Variants in MYH15 observed in about 807,000 individuals in gnomAD.
MYH15 encodes myosin heavy chain 15.
A neutral mutation model predicts 240.5 loss-of-function variants in MYH15; 227 were observed. The observed-to-expected ratio is 0.94, with a 90% confidence interval of 0.85 to 1.05. The LOEUF (loss-of-function observed/expected upper bound fraction) is 1.05. Ranked by LOEUF, MYH15 falls within the 50% of genes least tolerant of loss-of-function variation. The pLI is 0.00. For missense variants in MYH15, 2,217 were observed against 2,247.5 expected (o/e 0.99, Z 0.27); for synonymous variants, 785 against 796.7 (o/e 0.99, Z 0.25).
Position 108,391,533 on chromosome 3 carries a change from G to A in MYH15, c.5430+227C>T, listed in dbSNP as rs1313368001. ...AGGGCTGCAATGTTAGTTAGCAAGA[G>A]GGAAGGCAGATTTCATCCAGTCCAA... On this transcript the variant is annotated intron_variant, in intron 37 of 40. Coordinates refer to ENST00000693548, the MANE Select transcript of MYH15 (RefSeq NM_014981.3). Among the ~76,000 whole-genome samples, 3 of 152,286 alleles carry A rather than the reference G, an allele frequency of 2.0e-5. No homozygotes were observed. The East Asian group carries it at 5.8e-4, about 29-fold the overall frequency.
chr3:108,424,341 G>A (rs1013061133), intron 27 of MYH15, among the ~76,000 whole-genome samples: 2 of 152,182 alleles, frequency 1.3e-5, no homozygotes, highest in African/African-American at 4.8e-5. Context: ...CATGTATAAA[G>A]TATTTTCATA....
intron 25 of MYH15, among the ~76,000 whole-genome samples, chr3:108,432,795 T>C (rs1447349545): frequency 6.6e-6 from 1 of 152,108 alleles, no homozygotes; most frequent in Non-Finnish European, 1.5e-5. Flanking sequence ...AGTCATGAAT[T>C]GGGGTTTGGG....
At chr3:108,450,637 C>A (rs114191738) in intron 21 of MYH15, among the ~76,000 whole-genome samples, 2,193 of 152,186 alleles carry the variant, frequency 0.014, 26 homozygotes, top group Non-Finnish European at 0.023. Flanking sequence ...AGCATGGTAA[C>A]CACAGTTAAT....
intron 25 of MYH15, among the ~76,000 whole-genome samples, chr3:108,434,774 A>C (rs898296597): frequency 6.6e-6 from 1 of 152,200 alleles, no homozygotes; most frequent in African/African-American, 2.4e-5. Context: ...GTGGACACTG[A>C]GCAGGAAATT....
chr3:108,429,036 C>G (rs2082753296), intron 26 of MYH15, among the ~76,000 whole-genome samples, 155 bp from the exon 27 acceptor site: 1 of 152,124 alleles, frequency 6.6e-6, no homozygotes, highest in Non-Finnish European at 1.5e-5. Flanking sequence ...TGCCCCAATT[C>G]AGTACCAAGA....
intron 1 of MYH15, among the ~76,000 whole-genome samples, chr3:108,527,378 T>C (rs990882166): frequency 9.2e-5 from 14 of 152,112 alleles, no homozygotes; most frequent in African/African-American, 3.4e-4. Flanking sequence ...CCCTTCTCCA[T>C]AGTCCAGGAG....
intron 35 of MYH15, among the ~76,000 whole-genome samples, chr3:108,395,104 A>G (rs1457942472): frequency 6.6e-6 from 1 of 152,104 alleles, no homozygotes; most frequent in East Asian, 1.9e-4. Flanking sequence ...CGTCTCTACC[A>G]AAACTTTTAC....
intron 28 of MYH15, among the ~76,000 whole-genome samples, chr3:108,418,548 C>T (rs1200829528): frequency 6.6e-6 from 1 of 151,986 alleles, no homozygotes; most frequent in African/African-American, 2.4e-5. Flanking sequence ...AAAATAGCTT[C>T]AACCTCATAG....
At chr3:108,510,710 CTTCT>C (rs1467289615), upstream of MYH15, 2 of 893,824 alleles carry the variant, frequency 2.2e-6, no homozygotes, top group African/African-American at 3.3e-5. Flanking sequence ...ACCTGTGCCC[CTTCT>C]TTCTCTTCGC....
intron 1 of MYH15, among the ~76,000 whole-genome samples, chr3:108,506,989 C>A (rs1227885529): frequency 6.6e-6 from 1 of 151,904 alleles, no homozygotes; most frequent in African/African-American, 2.4e-5. Flanking sequence ...CGAGATCGTG[C>A]CATTGCACTC....
chr3:108,508,404 T>C (rs950141652), intron 1 of MYH15, among the ~76,000 whole-genome samples: 2 of 152,162 alleles, frequency 1.3e-5, no homozygotes, highest in African/African-American at 4.8e-5. Context: ...TAGATAGCAA[T>C]GGATTTGAGG....
intron 1 of MYH15, among the ~76,000 whole-genome samples, chr3:108,522,944 A>G (rs1465315253): frequency 6.6e-6 from 1 of 152,128 alleles, no homozygotes; most frequent in East Asian, 1.9e-4. Context: ...AAAGGAAAGA[A>G]AAAATCCTCT....
upstream of MYH15, among the ~76,000 whole-genome samples, chr3:108,512,384 T>C (rs1218598768): frequency 6.6e-6 from 1 of 152,168 alleles, no homozygotes; most frequent in African/African-American, 2.4e-5. Context: ...TCTGGGTAGA[T>C]GAGGATGAGG....
chr3:108,411,229 G>A (rs2082590885), intron 30 of MYH15, among the ~76,000 whole-genome samples: 1 of 152,118 alleles, frequency 6.6e-6, no homozygotes, highest in Non-Finnish European at 1.5e-5. Context: ...GCTCTAATAA[G>A]CAATACTGAC....
intron 1 of MYH15, among the ~76,000 whole-genome samples, chr3:108,521,356 A>C (rs1400232132): frequency 6.6e-6 from 1 of 151,926 alleles, no homozygotes; most frequent in East Asian, 1.9e-4. Context: ...GGAGCAAAGG[A>C]CTTTCTGAAC....
intron 11 of MYH15, among the ~76,000 whole-genome samples, chr3:108,481,253 TA>T (rs2083264544): frequency 6.6e-6 from 1 of 152,230 alleles, no homozygotes; most frequent in Non-Finnish European, 1.5e-5. Context: ...AGAAAATGCG[TA>T]AAAAATATGT....
chr3:108,467,092 G>A (rs2083125469), intron 14 of MYH15, among the ~76,000 whole-genome samples: 1 of 151,814 alleles, frequency 6.6e-6, no homozygotes, highest in Non-Finnish European at 1.5e-5. Context: ...TAGGTTCCGA[G>A]GTAACTAAAG....
At chr3:108,495,673 C>T in intron 7 of MYH15, 107 bp downstream of exon 7, 2 of 643,072 alleles carry the variant, frequency 3.1e-6, no homozygotes, top group Admixed American at 3.2e-5. Flanking sequence ...TAATCAAAGA[C>T]CTTCTTTGGT....
chr3:108,512,922 G>T (rs1006757668), upstream of MYH15, among the ~76,000 whole-genome samples: 1 of 152,162 alleles, frequency 6.6e-6, no homozygotes. Flanking sequence ...GAAGCCAAGA[G>T]AATGATTCAC....
Sources: gnomAD v4.1 joint callset for allele counts (sites outside exome capture counted in the v4.1 genomes callset) on GRCh38, gnomAD v4.1.1 for gene constraint, MANE v1.5 for transcripts, NCBI Gene and HGNC (gene_info 2026-07-23, HGNC 2026-07-21) for gene names.